Variants in TPTE2 observed in about 807,000 individuals in gnomAD.
TPTE2 encodes the protein phosphatidylinositol 3,4,5-trisphosphate 3-phosphatase TPTE2.
TPTE2 carries 53 observed loss-of-function variants against 78.6 expected under a neutral mutation model. That is an observed-to-expected ratio of 0.67 (90% CI 0.54 to 0.85). The LOEUF is 0.85. TPTE2 is among the 40% of genes least tolerant of loss of function. The pLI is 0.00. For missense variants in TPTE2, 461 were observed against 623.0 expected, an observed-to-expected ratio of 0.74 and a Z score of 2.77; for synonymous variants, 175 against 206.2, an observed-to-expected ratio of 0.85 and a Z score of 1.30.
intron 1 of TPTE2, among the ~76,000 whole-genome samples, chr13:19,525,354 G>A (rs1199848712): frequency 6.6e-6 from 1 of 152,128 alleles, no homozygotes; most frequent in Non-Finnish European, 1.5e-5. Flanking sequence ...CAGACACACA[G>A]GCCAATGGAA....
Position 19,423,174 on chromosome 13 carries a change from G to T in TPTE2, c.1467-10C>A. The stretch of plus-strand genomic sequence containing the variant: ...TCTTGGTAGACAAAGCCTAAGAATA[G>T]AAAAAAAAAATTACATTTTATATTG... On this transcript the variant is annotated splice_polypyrimidine_tract_variant and intron_variant, in intron 19 of 19. Transcript: ENST00000400230. 3 of 1,508,270 alleles carry T rather than the reference G, an allele frequency of 2.0e-6. No homozygotes were observed. 93.4% of individuals were successfully genotyped at this position (1,508,270 alleles called of 1,614,324 possible). A position where few individuals can be genotyped will look rare whatever the true frequency, so the allele number is the denominator to read the frequency against.
chr13:19,436,316 A>G lies in TPTE2; in HGVS notation c.1036-10T>C, dbSNP rs1877081325. ...AATAATATAGGCTTTCCTACAAAAA[A>G]GGGTACAATCCAACCATGGTTCATC... On this transcript the variant is annotated splice_polypyrimidine_tract_variant and intron_variant, in intron 14 of 19. Transcript: ENST00000400230. The G allele has an allele frequency of 1.2e-6, 2 of 1,611,152 alleles. No homozygotes were observed. Among genetic ancestry groups the G allele is most frequent in the Non-Finnish European group, 1.7e-6 (2 of 1,178,222 alleles).
At chr13:19,460,627 G>T (rs1878827334) in intron 10 of TPTE2, among the ~76,000 whole-genome samples, 1 of 152,086 alleles carries the variant, frequency 6.6e-6, no homozygotes, top group Non-Finnish European at 1.5e-5. Context: ...TGATGACTCA[G>T]GCCAGGGATC....
At chr13:19,434,144 G>A (rs922584623) in intron 15 of TPTE2, among the ~76,000 whole-genome samples, 2 of 152,230 alleles carry the variant, frequency 1.3e-5, no homozygotes, top group African/African-American at 2.4e-5. Context: ...GGAAAGATGG[G>A]TAAGCCACGG....
chr13:19,525,226 TGGA>T (rs2137729465), intron 1 of TPTE2, among the ~76,000 whole-genome samples: 1 of 152,212 alleles, frequency 6.6e-6, no homozygotes, highest in East Asian at 1.9e-4. Context: ...ACTAGCTATG[TGGA>T]GGATAGCCAA....
chr13:19,425,354 G>A (rs1875949634), intron 18 of TPTE2, among the ~76,000 whole-genome samples: 1 of 152,174 alleles, frequency 6.6e-6, no homozygotes, highest in South Asian at 2.1e-4. Flanking sequence ...CAACTACATT[G>A]TAGTGAATTC....
chr13:19,496,360 A>C (rs1881310333), intron 1 of TPTE2, among the ~76,000 whole-genome samples: 1 of 152,214 alleles, frequency 6.6e-6, no homozygotes, highest in Non-Finnish European at 1.5e-5. Context: ...TGGCCAATGC[A>C]CGACAGCCTT....
At position 19,536,615 on chromosome 13, in the gene TPTE2, T is replaced by G. The variant is rs905196774; in HGVS notation, c.-63A>C. The G allele has an allele frequency of 1.4e-4, 21 of 152,084 alleles. 1 individual carries two copies. The highest frequency in any genetic ancestry group is 5.1e-4 in the African/African-American group (21 of 41,442). The allele number at this position is 152,084 out of a possible 1,614,324, so 9.4% of individuals were successfully genotyped here. ...ACTTACTTTTTCACTCAGCGTTGTT[T>G]CTGAAATTTGTCTGTGATGATGTGT... is the stretch of plus-strand genomic sequence containing the variant. On this transcript the variant is annotated 5_prime_UTR_variant, in exon 1 of 18. Transcript: ENST00000390680.
At chr13:19,440,251 CCAA>C (rs1326948268) in intron 13 of TPTE2, among the ~76,000 whole-genome samples, 1 of 152,194 alleles carries the variant, frequency 6.6e-6, no homozygotes, top group Non-Finnish European at 1.5e-5. Context: ...ACAGCCAAAT[CCAA>C]CAGCACATCA....
chr13:19,447,552 T>C (rs147577347), intron 13 of TPTE2, among the ~76,000 whole-genome samples: 3,716 of 152,236 alleles, frequency 0.024, 64 homozygotes, highest in Middle Eastern at 0.051. Flanking sequence ...TATGAACTAA[T>C]ATACAGCTAA....
chr13:19,472,061 A>G (rs1164031904), intron 6 of TPTE2, among the ~76,000 whole-genome samples: 1 of 152,252 alleles, frequency 6.6e-6, no homozygotes, highest in Non-Finnish European at 1.5e-5. Flanking sequence ...TCCATCGTAT[A>G]TTATTGGTTT....
rs56140648 is a variant in TPTE2 at position 19,453,538 on chromosome 13, C to CATATATATATATATATATATATAT, written c.742-2337_742-2314dup. Among the ~76,000 whole-genome samples, 67 of 140,160 alleles carry CATATATATATATATATATATATAT rather than the reference C, an allele frequency of 4.8e-4. 1 individual carries two copies. Among genetic ancestry groups the CATATATATATATATATATATATAT allele is most frequent in the African/African-American group, 1.6e-3 (55 of 34,908 alleles). 92.0% of individuals were successfully genotyped at this position (140,160 alleles called of 152,430 possible). On this transcript the variant is annotated intron_variant, in intron 10 of 19. Coordinates refer to ENST00000400230, the Ensembl canonical transcript of TPTE2. ...TGATATATATATATCATTTTATAAT[C>CATATATATATATATATATATATAT]ATATATATATATATATATATATATA...
At chr13:19,450,223 T>C (rs377160877) in intron 12 of TPTE2, 40 bp downstream of exon 15, 53 of 1,610,456 alleles carry the variant, frequency 3.3e-5, no homozygotes, top group Non-Finnish European at 3.1e-5. Context: ...GCCCAATATA[T>C]TTAGCCCTCT....
chr13:19,526,461 A>G (rs1387440919), intron 1 of TPTE2, among the ~76,000 whole-genome samples: 1 of 147,506 alleles, frequency 6.8e-6, no homozygotes, highest in Admixed American at 6.6e-5. Flanking sequence ...AAACTAACAC[A>G]GGAACAGGAA....
At position 19,493,317 on chromosome 13, in the gene TPTE2, GTGGATGGA is replaced by G. The variant is rs71092368; in HGVS notation, c.65+123_65+130del. On this transcript the variant is annotated intron_variant, in intron 2 of 19. Transcript: ENST00000400230. ...TTGTGTACGCGTGTTGAAGAGAAGT[GTGGATGGA>G]TGGATGGATGGATGGATGGATGGAT... The G allele has an allele frequency of 8.6e-4, 564 of 657,352 alleles. 1 individual carries two copies. Among genetic ancestry groups the G allele is most frequent in the African/African-American group, 5.2e-3 (292 of 56,538 alleles). 40.7% of individuals were successfully genotyped at this position (657,352 alleles called of 1,614,324 possible).
exon 11 of TPTE2, chr13:19,451,221 A>C: frequency 6.2e-7 from 1 of 1,613,470 alleles, no homozygotes; most frequent in South Asian, 1.1e-5. Flanking sequence ...AAACCGCACA[A>C]CTTCCTAAAA....
At chr13:19,553,406 A>G in the TPTE2 span, among the ~76,000 whole-genome samples, 1 of 152,170 alleles carries the variant, frequency 6.6e-6, no homozygotes, top group African/African-American at 2.4e-5. Flanking sequence ...AGTTAAAAAT[A>G]TATCTATTAT....
chr13:19,472,956 T>C (rs1344496444), intron 6 of TPTE2, among the ~76,000 whole-genome samples: 1 of 152,232 alleles, frequency 6.6e-6, no homozygotes, highest in Non-Finnish European at 1.5e-5. Flanking sequence ...TGCAGACTTA[T>C]AGTGGTACTG....
intron 13 of TPTE2, among the ~76,000 whole-genome samples, chr13:19,441,586 G>A (rs1337413713): frequency 1.3e-5 from 2 of 152,032 alleles, no homozygotes; most frequent in Non-Finnish European, 2.9e-5. Flanking sequence ...ATTAATGCAG[G>A]AAAAAGCATT....
Sources: allele counts gnomAD v4.1 joint callset (sites outside exome capture counted in the v4.1 genomes callset), GRCh38; gene constraint gnomAD v4.1.1; transcripts MANE v1.5; gene names NCBI Gene and HGNC (gene_info 2026-07-23, HGNC 2026-07-21).